Variants in DYNC2H1 observed in about 807,000 individuals in gnomAD.
DYNC2H1 encodes dynein cytoplasmic 2 heavy chain 1.
DYNC2H1 carries 410 observed loss-of-function variants against 570.0 expected under a neutral mutation model. That is an observed-to-expected ratio of 0.72 (90% CI 0.66 to 0.78). The LOEUF (loss-of-function observed/expected upper bound fraction) is 0.78, where lower values mean the gene tolerates loss of function less well. Among genes scored for constraint, DYNC2H1 ranks in the 30% least tolerant of loss-of-function variants. The probability of loss-of-function intolerance (pLI) is 0.00; values close to 1 mark genes in which losing one functional copy is unlikely to be tolerated. For synonymous variants in DYNC2H1, 1,688 were observed against 1,677.6 expected, an observed-to-expected ratio of 1.01 and a Z score of -0.15; for missense variants, 4,865 against 5,046.4, an observed-to-expected ratio of 0.96 and a Z score of 1.09.
At position 103,439,870 on chromosome 11, in the gene DYNC2H1, A is replaced by C. The variant is rs1176529451; in HGVS notation, c.12456+3838A>C. Among the ~76,000 whole-genome samples the C allele has an allele frequency of 6.6e-6, 1 of 152,160 alleles. No homozygotes were observed. The highest frequency in any genetic ancestry group is 2.4e-5 in the African/African-American group (1 of 41,442). On this transcript the variant is annotated intron_variant, in intron 85 of 88. Transcript: ENST00000375735. This position sits in a 1 kb window ranked among gnomAD's most constrained non-coding sequence, Gnocchi z 4.1. ...AACTTAGAATTATTTCCCTGGCTTCAAATTTTTCTGTCTTTTCTTCAGAAA... is the reference window on the plus strand; with the variant it reads ...AACTTAGAATTATTTCCCTGGCTTCCAATTTTTCTGTCTTTTCTTCAGAAA...
intron 88 of DYNC2H1, among the ~76,000 whole-genome samples, chr11:103,477,888 C>G (rs1945611784): frequency 6.9e-6 from 1 of 144,366 alleles, no homozygotes. Flanking sequence ...AAATTATGGT[C>G]TCTAATACCA....
chr11:103,342,322 A>C (rs1939490543), intron 82 of DYNC2H1, among the ~76,000 whole-genome samples: 1 of 152,052 alleles, frequency 6.6e-6, no homozygotes. Context: ...TATAAAATGG[A>C]CCAATCAGCA....
intron 82 of DYNC2H1, among the ~76,000 whole-genome samples, chr11:103,335,880 A>G (rs1436474207): frequency 1.3e-5 from 2 of 152,146 alleles, no homozygotes; most frequent in African/African-American, 4.8e-5. Flanking sequence ...AACTCATTCT[A>G]TACGTGAGGA....
intron 13 of DYNC2H1, among the ~76,000 whole-genome samples, chr11:103,132,272 A>G (rs180919159): frequency 6.8e-4 from 103 of 152,144 alleles, no homozygotes; most frequent in Non-Finnish European, 1.3e-3. Flanking sequence ...CCACTCTGCT[A>G]TTGAGTCCAT....
intron 79 of DYNC2H1, among the ~76,000 whole-genome samples, chr11:103,315,099 T>C (rs1937746414): frequency 6.6e-6 from 1 of 151,996 alleles, no homozygotes; most frequent in Admixed American, 6.6e-5. Context: ...TGTTCTTTTT[T>C]TAAAAAAGTA....
chr11:103,109,884 C>T (rs1243762336), intron 1 of DYNC2H1, 115 bp downstream of exon 1: 2 of 1,113,448 alleles, frequency 1.8e-6, no homozygotes, highest in Middle Eastern at 3.0e-4. Context: ...TTTTCAGGAA[C>T]CCAAGGCTGT....
At position 103,285,424 on chromosome 11, in the gene DYNC2H1, C is replaced by CTTT. The variant is rs60667279; in HGVS notation, c.10891-817_10891-815dup. On this transcript the variant is annotated intron_variant, in intron 73 of 88. Transcript: ENST00000375735. ...GGAGGAATTTTTCTTTTTTTCTTTT[C>CTTT]TTTTTTTTTTTTTTTTGAGACAGAG... Among the ~76,000 whole-genome samples, 22 of 137,000 alleles carry CTTT rather than the reference C, an allele frequency of 1.6e-4. 1 individual carries two copies. The highest frequency in any genetic ancestry group is 2.2e-4 in the Non-Finnish European group (14 of 64,776). 89.9% of individuals were successfully genotyped at this position (137,000 alleles called of 152,430 possible). A position where few individuals can be genotyped will look rare whatever the true frequency, so the allele number is the denominator to read the frequency against.
intron 31 of DYNC2H1, among the ~76,000 whole-genome samples, chr11:103,167,601 T>C (rs1379907149): frequency 6.6e-6 from 1 of 152,126 alleles, no homozygotes; most frequent in African/African-American, 2.4e-5. Context: ...GCAGATAACC[T>C]CAACAGGTAT....
At chr11:103,452,608 A>C (rs1186633431) in intron 85 of DYNC2H1, among the ~76,000 whole-genome samples, 4 of 143,688 alleles carry the variant, frequency 2.8e-5, no homozygotes, top group Non-Finnish European at 3.1e-5. Context: ...TGTAAAAATG[A>C]TACCTGCTTG....
intron 83 of DYNC2H1, among the ~76,000 whole-genome samples, chr11:103,379,387 T>C (rs1253101319): frequency 6.6e-6 from 1 of 152,228 alleles, no homozygotes; most frequent in Non-Finnish European, 1.5e-5. Flanking sequence ...AACTCCATTT[T>C]AATTCTTGTT....
chr11:103,188,542 G>A lies in DYNC2H1; in HGVS notation c.7186G>A (p.Gly2396Ser). The change falls in exon 44 of 89, where the codon GGT (glycine) becomes AGT (serine). Residue 2396 changes from glycine to serine, a missense_variant. This residue lies in a region of DYNC2H1 where 2,401 missense variants were observed against 2,454.6 expected (regional missense o/e 0.98). Transcript: ENST00000375735. ...TTATGATGAAAATTTGGAATGGGTT[G>A]GTCTAGAAAATATTCAAATTGTGGC... ...GFYDENLEWV[G>S]LENIQIVASM... The A allele has an allele frequency of 6.2e-7, 1 of 1,608,934 alleles. No homozygotes were observed. The highest frequency in any genetic ancestry group is 8.5e-7 in the Non-Finnish European group (1 of 1,176,774).
intron 10 of DYNC2H1, 75 bp from the exon 11 acceptor site, chr11:103,122,750 G>A: frequency 7.9e-7 from 1 of 1,262,628 alleles, no homozygotes; most frequent in Non-Finnish European, 1.1e-6. Context: ...ACAGATCAGA[G>A]AAGGGGACTC....
chr11:103,188,992 G>A (rs1862190354), intron 44 of DYNC2H1, among the ~76,000 whole-genome samples: 1 of 151,952 alleles, frequency 6.6e-6, no homozygotes, highest in Non-Finnish European at 1.5e-5. Context: ...AATTTATGAA[G>A]ATAACAAAAA....
At chr11:103,137,736 T>G (rs906690787) in intron 17 of DYNC2H1, among the ~76,000 whole-genome samples, 30 of 152,190 alleles carry the variant, frequency 2.0e-4, no homozygotes, top group South Asian at 1.5e-3. Flanking sequence ...ATATGAACTT[T>G]AAAGTAGTTT....
intron 9 of DYNC2H1, 118 bp downstream of exon 9, chr11:103,121,154 G>T (rs938201684): frequency 7.8e-6 from 7 of 900,482 alleles, no homozygotes; most frequent in Admixed American, 6.8e-5. Context: ...TCATGCTGAA[G>T]ATTAATTTAC....
intron 17 of DYNC2H1, among the ~76,000 whole-genome samples, chr11:103,137,391 A>G (rs1348623700): frequency 2.0e-5 from 3 of 151,670 alleles, no homozygotes; most frequent in Non-Finnish European, 4.4e-5. Flanking sequence ...TCCATCTTGA[A>G]TTAATTTTTG....
chr11:103,166,990 CTTTTTTTTTT>C (rs34816989), intron 31 of DYNC2H1, among the ~76,000 whole-genome samples: 2 of 56,988 alleles, frequency 3.5e-5, no homozygotes, highest in East Asian at 6.3e-4. Context: ...GAGGCGCTGC[CTTTTTTTTTT>C]TTTTTTTTTT....
intron 82 of DYNC2H1, among the ~76,000 whole-genome samples, chr11:103,333,891 T>G (rs1938968943): frequency 6.6e-6 from 1 of 152,186 alleles, no homozygotes; most frequent in African/African-American, 2.4e-5. Context: ...CTGTAATAAG[T>G]TCAACTCTAG....
intron 82 of DYNC2H1, among the ~76,000 whole-genome samples, chr11:103,342,508 C>CTTT (rs3076506): frequency 0.067 from 9,681 of 144,484 alleles, 332 homozygotes; most frequent in Non-Finnish European, 0.075. Context: ...TCTGTGCCAC[C>CTTT]TTTTTTTTTT....
Sources: gnomAD v4.1 joint callset for allele counts (sites outside exome capture counted in the v4.1 genomes callset) on GRCh38, gnomAD v4.1.1 for gene constraint, gnomAD v4.1.1 regional missense constraint, Gnocchi (gnomAD v3.1) non-coding constraint, MANE v1.5 for transcripts, NCBI Gene and HGNC (gene_info 2026-07-23, HGNC 2026-07-21) for gene names.